SKI: variants seen among roughly 807,000 people sequenced by gnomAD.
The protein encoded by SKI is ski oncogene.
SKI carries 23 observed loss-of-function variants against 59.3 expected under a neutral mutation model. That is an observed-to-expected ratio of 0.39 (90% CI 0.28 to 0.55). The LOEUF is 0.55. SKI is among the 20% of genes least tolerant of loss of function. The pLI is 0.67. For synonymous variants in SKI, 673 were observed against 488.6 expected (o/e 1.38, Z -4.98); for missense variants, 1,017 against 1,038.9 (o/e 0.98, Z 0.29).
chr1:2,306,392 G>C, intron 6 of SKI, 142 bp downstream of exon 6: 1 of 1,006,370 alleles, frequency 9.9e-7, no homozygotes, highest in Non-Finnish European at 1.4e-6. Context: ...CCCCCCGACG[G>C]GCACAGGGTG....
chr1:2,265,747 G>C (rs1214357803), intron 1 of SKI, among the ~76,000 whole-genome samples: 1 of 152,048 alleles, frequency 6.6e-6, no homozygotes, highest in African/African-American at 2.4e-5. Context: ...TGGGCAGATT[G>C]CTTGAGTCCA....
chr1:2,294,863 G>A (rs947307898), intron 1 of SKI, among the ~76,000 whole-genome samples: 14 of 152,174 alleles, frequency 9.2e-5, no homozygotes, highest in African/African-American at 2.7e-4. Flanking sequence ...CACCCTCCAC[G>A]TTATCATTAC....
intron 1 of SKI, among the ~76,000 whole-genome samples, chr1:2,241,188 A>G (rs774632624): frequency 2.6e-5 from 4 of 152,216 alleles, no homozygotes; most frequent in Non-Finnish European, 4.4e-5. Flanking sequence ...ACCAGTGGGA[A>G]CAATTCTCAT....
intron 1 of SKI, among the ~76,000 whole-genome samples, chr1:2,302,577 T>A (rs1008102244): frequency 6.6e-6 from 1 of 151,202 alleles, no homozygotes; most frequent in Admixed American, 6.6e-5. Context: ...GAGGACACAC[T>A]CGGGTTCTAG....
In SKI at chr1:2,291,697, T is replaced by C. The variant is rs1640166141; in HGVS notation, c.970-11281T>C. On this transcript the variant is annotated intron_variant, in intron 1 of 6. Transcript: ENST00000378536. The stretch of plus-strand genomic sequence containing the variant: ...TTTGTGTTTTGATGCCCCTTGGCTC[T>C]GGCATTGTGGGGGGGCCCCCTGGGG... 8.2e-5 allele frequency among the ~76,000 whole-genome samples: 3 copies of C among 36,570 alleles called. No individual in the cohort carries two copies. The South Asian group carries it at 2.0e-3, about 24-fold the overall frequency. The allele number at this position is 36,570 out of a possible 152,430, so 24.0% of individuals were successfully genotyped here. A position where few individuals can be genotyped will look rare whatever the true frequency, so the allele number is the denominator to read the frequency against.
At position 2,303,797 on chromosome 1, in the gene SKI, T is replaced by G; in HGVS notation, c.1212-43T>G. 3 of 1,609,022 alleles carry G rather than the reference T, an allele frequency of 1.9e-6. No individual in the cohort carries two copies. In the South Asian group the frequency reaches 3.3e-5, roughly 18 times the overall value. The stretch of plus-strand genomic sequence containing the variant: ...GCGCCAGGATGTGTCTGGGTGGTGC[T>G]TGGGGACAGAGGCACCTTCCCGACA... On this transcript the variant is annotated intron_variant, in intron 3 of 6. Coordinates refer to ENST00000378536, the MANE Select transcript of SKI (RefSeq NM_003036.4). The surrounding 1 kb of genome is among the most constrained non-coding windows in gnomAD (Gnocchi z 5.6).
chr1:2,304,422 C>G lies in SKI; in HGVS notation c.1604C>G (p.Pro535Arg). The G allele has an allele frequency of 6.4e-7, 1 of 1,557,070 alleles. No individual in the cohort carries two copies. Among genetic ancestry groups the G allele is most frequent in the Non-Finnish European group, 8.7e-7 (1 of 1,151,080 alleles). ...GATGCTGCGGCCCCTGCCGACGCCC[C>G]CAGTGGGCTGGAGGCGGAGCTGGAG... Reference protein sequence around the residue: ...VPDAAAPADAPSGLEAELEHL... With the variant: ...VPDAAAPADARSGLEAELEHL... The change falls in exon 5 of 7, where the codon CCC (proline) becomes CGC (arginine). Residue 535 changes from proline to arginine, a missense_variant. By Grantham distance (103) the Pro-to-Arg change is moderately radical. Coordinates refer to ENST00000378536, the MANE Select transcript of SKI (RefSeq NM_003036.4).
rs776248526 is a variant in SKI, at chr1:2,303,382, C to T, written c.1193C>T (p.Pro398Leu). The part of the protein sequence containing the change: ...ASEKELSPHL[P>L]ALIRDSFYSY... ...GAGAAAGAGCTCTCCCCACACCTCCCGGCCCTCATCCGAGACAGGTGAGTG... is the reference window on the plus strand; with the variant it reads ...GAGAAAGAGCTCTCCCCACACCTCCTGGCCCTCATCCGAGACAGGTGAGTG... The change falls in exon 3 of 7, where the codon CCG becomes CTG. Residue 398 changes from proline (P) to leucine (L), a missense_variant. By Grantham distance (98) the Pro-to-Leu change is moderately conservative. Transcript: ENST00000378536. The surrounding 1 kb of genome is among the most constrained non-coding windows in gnomAD (Gnocchi z 5.6). 5.0e-6 allele frequency: 8 copies of T among 1,613,014 alleles called. No individual in the cohort carries two copies. The highest frequency in any genetic ancestry group is 5.9e-6 in the Non-Finnish European group (7 of 1,179,870).
chr1:2,232,172 A>G (rs1162423592), intron 1 of SKI, among the ~76,000 whole-genome samples: 1 of 152,136 alleles, frequency 6.6e-6, no homozygotes, highest in African/African-American at 2.4e-5. Flanking sequence ...TGATTTCTTC[A>G]CTTCCTTTGT....
At position 2,276,614 on chromosome 1, in the gene SKI, G is replaced by A. The variant is rs548300586; in HGVS notation, c.970-26364G>A. ...TGAGAAAACATGAAGCTTTTTATTTGTAAACAGAAAATGGCAGGGCTCACT... is the reference window on the plus strand; with the variant it reads ...TGAGAAAACATGAAGCTTTTTATTTATAAACAGAAAATGGCAGGGCTCACT... On this transcript the variant is annotated intron_variant, in intron 1 of 6. Transcript: ENST00000378536. Among the ~76,000 whole-genome samples, 3 of 152,368 alleles carry A rather than the reference G, an allele frequency of 2.0e-5. No individual in the cohort carries two copies. The South Asian group carries it at 6.2e-4, about 32-fold the overall frequency.
chr1:2,274,317 G>T (rs1332771738), intron 1 of SKI, among the ~76,000 whole-genome samples: 1 of 152,144 alleles, frequency 6.6e-6, no homozygotes, highest in Middle Eastern at 3.2e-3. Flanking sequence ...CCCAGGCTTG[G>T]GGCTGCCGGC....
intron 1 of SKI, among the ~76,000 whole-genome samples, chr1:2,236,848 T>G (rs1443560467): frequency 1.3e-5 from 2 of 152,178 alleles, no homozygotes; most frequent in Non-Finnish European, 2.9e-5. Context: ...TCCTCCCAGC[T>G]CTCAGCCCTG....
Position 2,307,283 on chromosome 1 carries a change from A to G in SKI, c.*518A>G, listed in dbSNP as rs1640617964. ...TTCTTCAGAGTCTATTTTTTCAGCG[A>G]CAAGGACCCAGGTCTTCCTGCTGCT... On this transcript the variant is annotated 3_prime_UTR_variant, in exon 7 of 7. Coordinates refer to ENST00000378536, the MANE Select transcript of SKI (RefSeq NM_003036.4). 1 of 150,494 alleles carries G rather than the reference A, an allele frequency of 6.6e-6. No homozygotes were observed. Among genetic ancestry groups the G allele is most frequent in the Non-Finnish European group, 1.5e-5 (1 of 67,678 alleles). 9.3% of individuals were successfully genotyped at this position (150,494 alleles called of 1,614,324 possible).
chr1:2,229,489 C>G lies in SKI; in HGVS notation c.723C>G (p.Ser241Arg), dbSNP rs2100790799. The G allele has an allele frequency of 6.2e-7, 1 of 1,611,622 alleles. No individual in the cohort carries two copies. Among genetic ancestry groups the G allele is most frequent in the South Asian group, 1.1e-5 (1 of 91,068 alleles). The change falls in exon 1 of 7, where the codon AGC becomes AGG. Residue 241 changes from serine (S) to arginine (R), a missense_variant. Physicochemically the swap from Ser to Arg is moderately radical, Grantham distance 110. Transcript: ENST00000378536. This position sits in a 1 kb window ranked among gnomAD's most constrained non-coding sequence, Gnocchi z 6.3. ...TGCCCGAGCTCTACAGCAGCCCGAGCGCCGCCTGCATCCAGTGCCTGGACT... is the reference window on the plus strand; with the variant it reads ...TGCCCGAGCTCTACAGCAGCCCGAGGGCCGCCTGCATCCAGTGCCTGGACT... Reference protein sequence around the residue: ...LLVPELYSSPSAACIQCLDCR... With the variant: ...LLVPELYSSPRAACIQCLDCR...
intron 1 of SKI, among the ~76,000 whole-genome samples, chr1:2,259,565 A>C (rs1235852345): frequency 2.0e-5 from 3 of 152,188 alleles, no homozygotes; most frequent in African/African-American, 7.2e-5. Flanking sequence ...TTTGAGGCAT[A>C]ATTAACATAA....
At chr1:2,279,432 T>A (rs962586419) in intron 1 of SKI, among the ~76,000 whole-genome samples, 1 of 152,212 alleles carries the variant, frequency 6.6e-6, no homozygotes, top group African/African-American at 2.4e-5. Context: ...GGGGCCTGGC[T>A]TCCCTCCCGG....
At chr1:2,240,494 G>T (rs1638846711) in intron 1 of SKI, 1 of 985,322 alleles carries the variant, frequency 1.0e-6, no homozygotes. Flanking sequence ...AGGTCCCGTG[G>T]GTGGTGGCGG....
At chr1:2,305,999 C>G (rs1160088793) in intron 5 of SKI, 21 bp from the exon 6 acceptor site, 1 of 1,550,264 alleles carries the variant, frequency 6.5e-7, no homozygotes, top group Non-Finnish European at 8.7e-7. Flanking sequence ...GCAGTGACCC[C>G]GAGCCGCCTC....
At chr1:2,258,762 T>G (rs1639325179) in intron 1 of SKI, among the ~76,000 whole-genome samples, 1 of 152,084 alleles carries the variant, frequency 6.6e-6, no homozygotes, top group Non-Finnish European at 1.5e-5. Context: ...TTGGTCAGGC[T>G]GATCTTGAAC....
Sources: allele counts gnomAD v4.1 joint callset (sites outside exome capture counted in the v4.1 genomes callset), GRCh38; gene constraint gnomAD v4.1.1; non-coding constraint Gnocchi (gnomAD v3.1); transcripts MANE v1.5; gene names NCBI Gene and HGNC (gene_info 2026-07-23, HGNC 2026-07-21).